Variants in GDAP2 observed in about 807,000 individuals in gnomAD.
GDAP2 encodes ganglioside-induced differentiation-associated protein 2.
In GDAP2, 51 loss-of-function variants were observed where a neutral mutation model predicts 67.0. That is an observed-to-expected ratio of 0.76 (90% CI 0.61 to 0.96). The LOEUF is 0.96. Among genes scored for constraint, GDAP2 ranks in the 40% least tolerant of loss-of-function variants. The pLI, the probability that GDAP2 is intolerant of heterozygous loss-of-function variation, is 0.00. For missense variants in GDAP2, 547 were observed against 588.3 expected (o/e 0.93, Z 0.73); for synonymous variants, 203 against 207.3 (o/e 0.98, Z 0.18).
chr1:117,899,576 CAGG>C (rs1490775681), intron 6 of GDAP2, among the ~76,000 whole-genome samples: 2 of 152,146 alleles, frequency 1.3e-5, no homozygotes, highest in Non-Finnish European at 2.9e-5. Flanking sequence ...AGTGTGCCAT[CAGG>C]GTCCGTTCAA....
chr1:117,907,234 C>T (rs1052839542), intron 5 of GDAP2, among the ~76,000 whole-genome samples: 1 of 152,164 alleles, frequency 6.6e-6, no homozygotes, highest in African/African-American at 2.4e-5. Context: ...CACATGTCCT[C>T]ATCTTTTAAA....
At chr1:117,900,261 G>A (rs906383415) in intron 6 of GDAP2, among the ~76,000 whole-genome samples, 3 of 152,144 alleles carry the variant, frequency 2.0e-5, no homozygotes, top group East Asian at 1.9e-4. Flanking sequence ...GATTACAGGT[G>A]TACACCACCA....
At chr1:117,890,627 A>C (rs1419101779) in intron 8 of GDAP2, among the ~76,000 whole-genome samples, 1 of 152,058 alleles carries the variant, frequency 6.6e-6, no homozygotes, top group African/African-American at 2.4e-5. Context: ...AAAAATTAGC[A>C]CTTTCACAAT....
chr1:117,911,693 C>A (rs1649861491), intron 5 of GDAP2, among the ~76,000 whole-genome samples: 1 of 151,934 alleles, frequency 6.6e-6, no homozygotes, highest in Non-Finnish European at 1.5e-5. Context: ...TAAAAACTTC[C>A]CTCCAGGGAG....
In GDAP2 at chr1:117,864,254, T is replaced by C. The variant is rs1298045976; in HGVS notation, c.*6315A>G. The C allele has an allele frequency of 1.3e-5, 2 of 152,342 alleles. No homozygotes were observed. Among genetic ancestry groups the C allele is most frequent in the Non-Finnish European group, 1.5e-5 (1 of 68,040 alleles). The allele number at this position is 152,342 out of a possible 1,614,324, so 9.4% of individuals were successfully genotyped here. ...AGAACCATCTCAGTGCTTAGGTTTGTATTTGTATTGACTTCCCTGTTAAGG... is the reference window on the plus strand; with the variant it reads ...AGAACCATCTCAGTGCTTAGGTTTGCATTTGTATTGACTTCCCTGTTAAGG... On this transcript the variant is annotated 3_prime_UTR_variant, in exon 14 of 14. Transcript: ENST00000369443.
chr1:117,906,640 AAAATC>A, intron 5 of GDAP2, 58 bp from the exon 6 acceptor site: 1 of 889,560 alleles, frequency 1.1e-6, no homozygotes, highest in Non-Finnish European at 1.8e-6. Context: ...TACATAAAGA[AAAATC>A]AAGCTCTTCA....
intron 8 of GDAP2, among the ~76,000 whole-genome samples, chr1:117,889,290 T>C (rs1241548221): frequency 6.6e-6 from 1 of 152,062 alleles, no homozygotes; most frequent in Non-Finnish European, 1.5e-5. Flanking sequence ...CTAATGAACA[T>C]ATCCATTATC....
At chr1:117,881,389 T>C (rs757208523) in intron 12 of GDAP2, among the ~76,000 whole-genome samples, 40 of 152,020 alleles carry the variant, frequency 2.6e-4, no homozygotes, top group Non-Finnish European at 5.7e-4. Flanking sequence ...GCAATTAAAA[T>C]AAAAACATAA....
intron 12 of GDAP2, among the ~76,000 whole-genome samples, chr1:117,879,089 G>T (rs1373333741): frequency 2.0e-5 from 3 of 152,160 alleles, no homozygotes; most frequent in Non-Finnish European, 4.4e-5. Flanking sequence ...ATTGGAGGCA[G>T]GACAACATGA....
chr1:117,912,069 A>G lies in GDAP2; in HGVS notation c.484T>C (p.Ser162Pro). The change falls in exon 5 of 14, where the codon TCT (serine) becomes CCT (proline). Residue 162 changes from serine to proline, a missense_variant. Ser to Pro is a moderately conservative substitution (Grantham distance 74). Transcript: ENST00000369443. ...TTGATGACACAGAAGCCAACAGAAG[A>G]CATTGACTGCTCTCTGCAACAAAGG... ...VLQLAKEQSM[S>P]SVGFCVINSA... is the part of the protein sequence containing the mutation. The G allele has an allele frequency of 6.2e-7, 1 of 1,606,608 alleles. No individual in the cohort carries two copies. Among genetic ancestry groups the G allele is most frequent in the South Asian group, 1.1e-5 (1 of 90,896 alleles).
intron 6 of GDAP2, among the ~76,000 whole-genome samples, chr1:117,900,859 G>A (rs942347685): frequency 6.6e-6 from 1 of 150,600 alleles, no homozygotes; most frequent in Non-Finnish European, 1.5e-5. Flanking sequence ...AGGAGATCAA[G>A]ACCATCCTGG....
intron 12 of GDAP2, among the ~76,000 whole-genome samples, chr1:117,880,560 A>G (rs1462525633): frequency 6.6e-6 from 1 of 152,212 alleles, no homozygotes; most frequent in Non-Finnish European, 1.5e-5. Context: ...AGCATTTTTA[A>G]AAGTTGGTAG....
intron 13 of GDAP2, 144 bp from the exon 14 acceptor site, chr1:117,870,760 G>C (rs1029845927): frequency 3.0e-5 from 21 of 690,352 alleles, no homozygotes; most frequent in African/African-American, 5.4e-5. Context: ...TCAGCCATTA[G>C]GTAGTTCAAC....
rs1215169171 is a variant in GDAP2 at position 117,908,844 on chromosome 1, T to A, written c.560-2262A>T. 5.7e-3 allele frequency among the ~76,000 whole-genome samples: 860 copies of A among 151,728 alleles called. 4 individuals are homozygous for A. The highest frequency in any genetic ancestry group is 0.019 in the African/African-American group (800 of 41,290). On this transcript the variant is annotated intron_variant, in intron 5 of 13. Transcript: ENST00000369443. The stretch of plus-strand genomic sequence containing the variant: ...TATCTCAAAAAAATAAATAAATAAA[T>A]AAATAAATAAATAAAGATTTTCTGT...
Position 117,883,612 on chromosome 1 carries a change from T to C in GDAP2, c.1123A>G (p.Ile375Val). The C allele has an allele frequency of 6.2e-7, 1 of 1,602,856 alleles. No homozygotes were observed. Among genetic ancestry groups the C allele is most frequent in the South Asian group, 1.1e-5 (1 of 90,570 alleles). ...ACAGCAATGTGATCCATTACATGAA[T>C]GAAATATAAGAGAGCCTAAAAGATA... ...IDMDKALLYF[I>V]HVMDHIAVKE... Residue 375 changes from isoleucine to valine, a missense_variant, in exon 11 of 14, where the codon ATT becomes GTT. Physicochemically the swap from Ile to Val is conservative, Grantham distance 29. Coordinates refer to ENST00000369443, the MANE Select transcript of GDAP2 (RefSeq NM_017686.4).
At position 117,864,900 on chromosome 1, in the gene GDAP2, A is replaced by C. The variant is rs1459425857; in HGVS notation, c.*5669T>G. ...AGACGATGAACGTTAGAGTGCCTGG[A>C]CCACAGGAAGAATTACAATGACAGT... On this transcript the variant is annotated 3_prime_UTR_variant, in exon 14 of 14. Coordinates refer to ENST00000369443, the MANE Select transcript of GDAP2 (RefSeq NM_017686.4). The C allele has an allele frequency of 6.6e-6, 1 of 152,184 alleles. No homozygotes were observed. The highest frequency in any genetic ancestry group is 1.5e-5 in the Non-Finnish European group (1 of 68,030). The allele number at this position is 152,184 out of a possible 1,614,324, so 9.4% of individuals were successfully genotyped here. A position where few individuals can be genotyped will look rare whatever the true frequency, so the allele number is the denominator to read the frequency against.
chr1:117,898,395 T>G (rs777112025), intron 7 of GDAP2, among the ~76,000 whole-genome samples: 7 of 152,216 alleles, frequency 4.6e-5, no homozygotes, highest in Admixed American at 1.3e-4. Context: ...AAATCTTGAG[T>G]TGCTTCCTAA....
At position 117,897,026 on chromosome 1, in the gene GDAP2, G is replaced by A. The variant is rs190198239; in HGVS notation, c.797-37C>T. On this transcript the variant is annotated intron_variant, in intron 7 of 13. Transcript: ENST00000369443. ...ATGCAACTATCAATAGAGAGCTTAT[G>A]CTAAAACTAGATAGTAAACATTGTG... 1.0e-4 allele frequency: 150 copies of A among 1,439,962 alleles called. 1 individual carries two copies. Among genetic ancestry groups the A allele is most frequent in the Admixed American group, 3.7e-4 (19 of 50,882 alleles). The allele number at this position is 1,439,962 out of a possible 1,614,324, so 89.2% of individuals were successfully genotyped here.
rs1461392174 is a variant in GDAP2 at position 117,864,402 on chromosome 1, T to C, written c.*6167A>G. The C allele has an allele frequency of 6.6e-6, 1 of 152,062 alleles. No homozygotes were observed. 9.4% of individuals were successfully genotyped at this position (152,062 alleles called of 1,614,324 possible). A position where few individuals can be genotyped will look rare whatever the true frequency, so the allele number is the denominator to read the frequency against. On this transcript the variant is annotated 3_prime_UTR_variant, in exon 14 of 14. Coordinates refer to ENST00000369443, the MANE Select transcript of GDAP2 (RefSeq NM_017686.4). Reference sequence around the variant, plus strand: ...CTATGTGCTGAACAAATTAAAGTAATAGTCTGAATAGGAGAAAACAGGGTG... The same window carrying C: ...CTATGTGCTGAACAAATTAAAGTAACAGTCTGAATAGGAGAAAACAGGGTG...
Sources: gnomAD v4.1 joint callset for allele counts (sites outside exome capture counted in the v4.1 genomes callset) on GRCh38, gnomAD v4.1.1 for gene constraint, MANE v1.5 for transcripts, NCBI Gene and HGNC (gene_info 2026-07-23, HGNC 2026-07-21) for gene names.